The following TRRAP variants were observed in gnomAD, a reference collection of about 807,000 sequenced individuals.
The protein encoded by TRRAP is transformation/transcription domain associated protein, also known as transformation/transcription domain-associated protein.
A neutral mutation model predicts 438.8 loss-of-function variants in TRRAP; 41 were observed. That is an observed-to-expected ratio of 0.09 (90% CI 0.07 to 0.12). The LOEUF is 0.12. Ranked by LOEUF, TRRAP falls within the 10% of genes least tolerant of loss-of-function variation. The pLI, the probability that TRRAP is intolerant of heterozygous loss-of-function variation, is 1.00. For synonymous variants in TRRAP, 1,994 were observed against 1,962.9 expected, an observed-to-expected ratio of 1.02 and a Z score of -0.42; for missense variants, 3,122 against 5,055.1, an observed-to-expected ratio of 0.62 and a Z score of 11.60.
At chr7:98,879,772 C>G (rs1279186636) in intron 1 of TRRAP, among the ~76,000 whole-genome samples, 1 of 152,166 alleles carries the variant, frequency 6.6e-6, no homozygotes, top group Non-Finnish European at 1.5e-5. Flanking sequence ...TGGGCATGCT[C>G]TCTGCATGGA....
chr7:98,997,278 C>T (rs761074925), intron 67 of TRRAP, among the ~76,000 whole-genome samples: 1 of 151,830 alleles, frequency 6.6e-6, no homozygotes, highest in Non-Finnish European at 1.5e-5. Context: ...TGCACTCCAG[C>T]CTGGGCAACA....
intron 23 of TRRAP, 111 bp downstream of exon 23, chr7:98,927,477 T>C (rs1790105019): frequency 3.7e-6 from 5 of 1,359,056 alleles, no homozygotes; most frequent in Non-Finnish European, 4.9e-6. Flanking sequence ...GTTTGGCTGA[T>C]TGATTTTCGG....
intron 6 of TRRAP, among the ~76,000 whole-genome samples, chr7:98,894,783 G>GTTTTTTTTTTTTTTTTTTTTT (rs56407045): frequency 1.1e-5 from 1 of 87,416 alleles, no homozygotes; most frequent in African/African-American, 4.7e-5. Context: ...CCAGCTAATG[G>GTTTTTTTTTTTTTTTTTTTTT]TTTTTTTTTT....
chr7:98,910,271 C>A lies in TRRAP; in HGVS notation c.1566C>A (p.Ala522=). The change falls in exon 15 of 73, where the codon GCC becomes GCA. Residue 522 remains alanine (A), a synonymous_variant. Coordinates refer to ENST00000456197, the MANE Select transcript of TRRAP (RefSeq NM_001375524.1). Reference sequence around the variant, plus strand: ...CACCTGCCACCCCTGTGACCCCGGCCCCCGTGCCTCCCTTCGAGAAGCAAG... The same window carrying A: ...CACCTGCCACCCCTGTGACCCCGGCACCCGTGCCTCCCTTCGAGAAGCAAG... The part of the protein sequence containing the change: ...PPPPATPVTP[A]PVPPFEKQGE... 2 of 1,598,910 alleles carry A rather than the reference C, an allele frequency of 1.3e-6. No individual in the cohort carries two copies. Among genetic ancestry groups the A allele is most frequent in the Non-Finnish European group, 1.7e-6 (2 of 1,178,530 alleles).
chr7:98,914,072 A>G (rs1165458419), intron 18 of TRRAP, among the ~76,000 whole-genome samples: 2 of 152,170 alleles, frequency 1.3e-5, no homozygotes, highest in East Asian at 1.9e-4. Context: ...CTTATCAACA[A>G]CCTTAACTTT....
At chr7:98,901,231 C>A (rs1013569317) in intron 11 of TRRAP, among the ~76,000 whole-genome samples, 14 of 152,362 alleles carry the variant, frequency 9.2e-5, no homozygotes, top group Middle Eastern at 3.4e-3. Flanking sequence ...TCCTGCCTTG[C>A]AGACAGCTGC....
At chr7:98,915,981 T>C in intron 19 of TRRAP, 93 bp downstream of exon 19, 2 of 1,510,012 alleles carry the variant, frequency 1.3e-6, no homozygotes, top group Non-Finnish European at 9.0e-7. Context: ...CCTCTGTAAC[T>C]GGTGAGTGTC....
At chr7:98,957,889 A>G in intron 43 of TRRAP, 92 bp from the exon 44 acceptor site, 1 of 1,053,754 alleles carries the variant, frequency 9.5e-7, no homozygotes. Flanking sequence ...CCCGGGAGGT[A>G]CCGCATACCC....
At chr7:99,010,689 C>T (rs1344240532) in intron 70 of TRRAP, among the ~76,000 whole-genome samples, 1 of 152,206 alleles carries the variant, frequency 6.6e-6, no homozygotes, top group Non-Finnish European at 1.5e-5. Context: ...GGAAGTGGTG[C>T]TGCTGTTGTC....
chr7:98,989,379 G>A (rs1562973634), intron 63 of TRRAP, among the ~76,000 whole-genome samples: 2 of 152,346 alleles, frequency 1.3e-5, no homozygotes, highest in South Asian at 2.1e-4. Flanking sequence ...TCTCTGCACC[G>A]TGCCCCCCAG....
chr7:98,954,200 T>A (rs1316608570), intron 40 of TRRAP, among the ~76,000 whole-genome samples: 3 of 152,060 alleles, frequency 2.0e-5, no homozygotes. Flanking sequence ...ATTGAGCGCT[T>A]CTTCCTGGAG....
At chr7:98,978,655 T>G in intron 57 of TRRAP, 114 bp from the exon 58 acceptor site, 1 of 1,413,962 alleles carries the variant, frequency 7.1e-7, no homozygotes, top group Non-Finnish European at 9.8e-7. Context: ...CCACTCTTAC[T>G]GTGTTGTTCT....
intron 18 of TRRAP, among the ~76,000 whole-genome samples, chr7:98,913,958 A>T (rs1789402422): frequency 6.6e-6 from 1 of 152,228 alleles, no homozygotes; most frequent in African/African-American, 2.4e-5. Context: ...AAATCTGAAG[A>T]TGTAAATAAG....
intron 1 of TRRAP, among the ~76,000 whole-genome samples, chr7:98,879,866 G>A (rs989746411): frequency 6.6e-6 from 1 of 152,184 alleles, no homozygotes; most frequent in Admixed American, 6.5e-5. Context: ...AGTGTATCCG[G>A]TAGGCCTGCA....
chr7:98,938,608 A>G (rs1790661307), intron 30 of TRRAP, among the ~76,000 whole-genome samples: 1 of 152,204 alleles, frequency 6.6e-6, no homozygotes, highest in Admixed American at 6.5e-5. Flanking sequence ...CCATCATTTC[A>G]TGTCAGTACC....
intron 33 of TRRAP, 30 bp downstream of exon 33, chr7:98,945,980 GGTT>G (rs2116590383): frequency 7.0e-7 from 1 of 1,423,890 alleles, no homozygotes; most frequent in South Asian, 1.4e-5. Context: ...TACAGGAGGG[GGTT>G]GTTGTCGTTG....
At chr7:98,907,928 G>A (rs945426770) in intron 13 of TRRAP, among the ~76,000 whole-genome samples, 4 of 149,988 alleles carry the variant, frequency 2.7e-5, no homozygotes, top group Non-Finnish European at 5.9e-5. Flanking sequence ...CCTCCCTGAT[G>A]TGCTGCAGCC....
chr7:98,899,899 C>G, intron 10 of TRRAP, 132 bp downstream of exon 10: 2 of 885,860 alleles, frequency 2.3e-6, no homozygotes, highest in South Asian at 3.2e-5. Context: ...TGTTGACTTT[C>G]TGCACCTGTG....
At position 98,953,381 on chromosome 7, in the gene TRRAP, T is replaced by C. The variant is rs1791435612; in HGVS notation, c.5678T>C (p.Leu1893Pro). The change falls in exon 40 of 73, where the codon CTC (leucine) becomes CCC (proline). Residue 1893 changes from leucine (L) to proline (P), a missense_variant. Leu to Pro is a moderately conservative substitution (Grantham distance 98). This residue lies in a region of TRRAP where 22 missense variants were observed against 28.8 expected (regional missense o/e 0.76). Coordinates refer to ENST00000456197, the MANE Select transcript of TRRAP (RefSeq NM_001375524.1). ...GCCTGCAAGTACAGCGGACACTTGCTCCTGGCGCACATTATCGCCAAATTC... is the reference window on the plus strand; with the variant it reads ...GCCTGCAAGTACAGCGGACACTTGCCCCTGGCGCACATTATCGCCAAATTC... ...DPACKYSGHL[L>P]LAHIIAKFAI... The C allele has an allele frequency of 6.2e-7, 1 of 1,613,528 alleles. No homozygotes were observed. The highest frequency in any genetic ancestry group is 8.5e-7 in the Non-Finnish European group (1 of 1,180,046).
Sources: allele counts gnomAD v4.1 joint callset (sites outside exome capture counted in the v4.1 genomes callset), GRCh38; gene constraint gnomAD v4.1.1; regional missense constraint gnomAD v4.1.1; transcripts MANE v1.5; gene names NCBI Gene and HGNC (gene_info 2026-07-23, HGNC 2026-07-21).